RXRA: variants seen among roughly 807,000 people sequenced by gnomAD.
RXRA encodes the protein retinoic acid receptor RXR-alpha.
Under a neutral mutation model 44.5 loss-of-function variants are expected in RXRA, and 5 were observed. That is an observed-to-expected ratio of 0.11 (90% CI 0.06 to 0.24). RXRA has a LOEUF of 0.24. Ranked by LOEUF, RXRA falls within the 10% of genes least tolerant of loss-of-function variation. The probability of loss-of-function intolerance (pLI) is 1.00; values close to 1 mark genes in which losing one functional copy is unlikely to be tolerated. For missense variants in RXRA, 412 were observed against 646.5 expected (o/e 0.64, Z 3.93); for synonymous variants, 291 against 271.4 (o/e 1.07, Z -0.71).
At chr9:134,422,302 T>C (rs1831353263) in intron 6 of RXRA, 3 of 1,275,226 alleles carry the variant, frequency 2.4e-6, no homozygotes, top group African/African-American at 3.3e-5. Flanking sequence ...CCTGGGACGC[T>C]CCCCTTTCCC....
chr9:134,339,384 CTCTG>C (rs1830054555), intron 1 of RXRA, among the ~76,000 whole-genome samples: 2 of 152,070 alleles, frequency 1.3e-5, no homozygotes, highest in African/African-American at 2.4e-5. Context: ...GCGCGTGAGC[CTCTG>C]TCTGCGTGTG....
chr9:134,346,354 A>G (rs1554748807), intron 1 of RXRA, among the ~76,000 whole-genome samples: 1 of 152,002 alleles, frequency 6.6e-6, no homozygotes, highest in Non-Finnish European at 1.5e-5. Context: ...CCTCCCCCAA[A>G]TGCCCTTCTG....
chr9:134,370,886 T>C (rs920883826), intron 1 of RXRA, among the ~76,000 whole-genome samples: 31 of 152,198 alleles, frequency 2.0e-4, no homozygotes, highest in African/African-American at 7.5e-4. Context: ...GCCCGGCGGG[T>C]GGCTGCTGAG....
At chr9:134,341,331 A>G (rs1054130192) in intron 1 of RXRA, among the ~76,000 whole-genome samples, 1 of 152,140 alleles carries the variant, frequency 6.6e-6, no homozygotes, top group South Asian at 2.1e-4. Flanking sequence ...TCTTTGAGCC[A>G]CTTCCAGCCT....
chr9:134,338,196 GGGGCCTCCCT>G (rs1163274975), intron 1 of RXRA, among the ~76,000 whole-genome samples: 5 of 152,294 alleles, frequency 3.3e-5, no homozygotes, highest in African/African-American at 7.2e-5. Context: ...GCACTGTCCC[GGGGCCTCCCT>G]GGGCCTCCCT....
rs1169342334 is a variant in RXRA, at chr9:134,407,644, G to T, written c.280-505G>T. Reference sequence around the variant, plus strand: ...ACGTGACCAGGGCCCCTGCCCTGCGGTGTTGTGGGGTGTATGTGTGGTTCT... The same window carrying T: ...ACGTGACCAGGGCCCCTGCCCTGCGTTGTTGTGGGGTGTATGTGTGGTTCT... On this transcript the variant is annotated intron_variant, in intron 2 of 9. Transcript: ENST00000481739. The surrounding 1 kb of genome is among the most constrained non-coding windows in gnomAD (Gnocchi z 4.8). Among the ~76,000 whole-genome samples the T allele has an allele frequency of 6.6e-6, 1 of 152,092 alleles. No homozygotes were observed. The highest frequency in any genetic ancestry group is 1.5e-5 in the Non-Finnish European group (1 of 68,014).
chr9:134,435,822 A>T (rs1831610684), intron 9 of RXRA, among the ~76,000 whole-genome samples: 1 of 152,128 alleles, frequency 6.6e-6, no homozygotes. Flanking sequence ...TGCTGCAGCC[A>T]GATGCATTAC....
chr9:134,379,171 C>T lies in RXRA; in HGVS notation c.29-22461C>T, dbSNP rs113941333. 837 of 726,886 alleles carry T rather than the reference C, an allele frequency of 1.2e-3. 5 individuals carry two copies. In the African/African-American group the frequency reaches 0.015, roughly 13 times the overall value. 45.0% of individuals were successfully genotyped at this position (726,886 alleles called of 1,614,324 possible). On this transcript the variant is annotated intron_variant, in intron 1 of 9. Transcript: ENST00000481739. The stretch of plus-strand genomic sequence containing the variant: ...CACACCTCCTCTGCACAGCAGGACC[C>T]GGAATTATGCTGTTCTCGGTTGGAC...
intron 6 of RXRA, chr9:134,425,841 G>T (rs1432627158): frequency 1.0e-6 from 1 of 985,186 alleles, no homozygotes. Context: ...CCTTGTGAGT[G>T]TGGACTCATT....
intron 9 of RXRA, among the ~76,000 whole-genome samples, chr9:134,435,228 GT>G (rs1346774120): frequency 1.3e-4 from 20 of 152,228 alleles, no homozygotes; most frequent in Admixed American, 1.3e-3. Context: ...TGGAGGGGCC[GT>G]GTGGAGAGAC....
chr9:134,339,053 C>T (rs941283262), intron 1 of RXRA, among the ~76,000 whole-genome samples: 2 of 152,250 alleles, frequency 1.3e-5, no homozygotes, highest in South Asian at 2.1e-4. Context: ...GACTTGGAGC[C>T]GGACCTAGGT....
At chr9:134,432,762 G>A (rs1045016709) in intron 8 of RXRA, among the ~76,000 whole-genome samples, 14 of 152,210 alleles carry the variant, frequency 9.2e-5, no homozygotes, top group African/African-American at 2.4e-4. Context: ...TCGAGGGTGC[G>A]GGCCACTTCC....
intron 1 of RXRA, among the ~76,000 whole-genome samples, chr9:134,376,046 C>G (rs1356563240): frequency 6.6e-6 from 1 of 150,838 alleles, no homozygotes; most frequent in Non-Finnish European, 1.5e-5. Context: ...ACAAGCCTTG[C>G]TATTTATTAA....
Position 134,430,107 on chromosome 9 carries a change from C to T in RXRA, c.1043+867C>T, listed in dbSNP as rs376182110. Among the ~76,000 whole-genome samples the T allele has an allele frequency of 1.2e-4, 18 of 152,304 alleles. No homozygotes were observed. The South Asian group carries it at 3.5e-3, about 30-fold the overall frequency. The stretch of plus-strand genomic sequence containing the variant: ...TTCACCGTGTTAGCCAGGATGGTCT[C>T]GATCTCCTGACCTCGTGATCCGCCC... On this transcript the variant is annotated intron_variant, in intron 7 of 9. Transcript: ENST00000481739.
chr9:134,340,924 G>T (rs1418745412), intron 1 of RXRA, among the ~76,000 whole-genome samples: 5 of 152,210 alleles, frequency 3.3e-5, no homozygotes, highest in African/African-American at 1.2e-4. Context: ...CAGGAAAGGA[G>T]AGGAAGGAAG....
chr9:134,374,748 G>A (rs1232427179), intron 1 of RXRA, among the ~76,000 whole-genome samples: 3 of 152,254 alleles, frequency 2.0e-5, no homozygotes, highest in Non-Finnish European at 1.5e-5. Context: ...CAGAAGAGGA[G>A]ATAGAGGCTC....
intron 1 of RXRA, among the ~76,000 whole-genome samples, chr9:134,374,806 C>T (rs148756128): frequency 3.3e-5 from 5 of 152,232 alleles, no homozygotes; most frequent in African/African-American, 9.6e-5. Flanking sequence ...GGCAGTGCCT[C>T]GTGTTACTGC....
intron 1 of RXRA, among the ~76,000 whole-genome samples, chr9:134,389,882 C>T (rs1308658357): frequency 2.0e-5 from 3 of 152,206 alleles, no homozygotes; most frequent in Admixed American, 6.5e-5. Flanking sequence ...GCTGCAGCCC[C>T]GTCTCAGGTT....
chr9:134,341,184 A>T (rs1424656373), intron 1 of RXRA, among the ~76,000 whole-genome samples: 1 of 152,178 alleles, frequency 6.6e-6, no homozygotes. Context: ...CCAGCACAGC[A>T]TGGCACGCTC....
Sources: allele counts gnomAD v4.1 joint callset (sites outside exome capture counted in the v4.1 genomes callset), GRCh38; gene constraint gnomAD v4.1.1; non-coding constraint Gnocchi (gnomAD v3.1); transcripts MANE v1.5; gene names NCBI Gene and HGNC (gene_info 2026-07-23, HGNC 2026-07-21).